Variants in MAPT observed in about 807,000 individuals in gnomAD.
The protein encoded by MAPT is microtubule-associated protein tau.
In MAPT, 34 loss-of-function variants were observed where a neutral mutation model predicts 67.9. That is an observed-to-expected ratio of 0.50 (90% CI 0.38 to 0.67). The LOEUF is 0.67. MAPT is among the 30% of genes least tolerant of loss of function. MAPT has a pLI of 0.00. For missense variants in MAPT, 881 were observed against 1,115.2 expected (o/e 0.79, Z 2.99); for synonymous variants, 456 against 464.5 (o/e 0.98, Z 0.23).
chr17:45,904,356 TTA>T (rs1175100124), intron 1 of MAPT, among the ~76,000 whole-genome samples: 1 of 90,082 alleles, frequency 1.1e-5, no homozygotes, highest in Non-Finnish European at 2.2e-5. Flanking sequence ...ATTATATATA[TTA>T]TATATATTAA....
intron 1 of MAPT, among the ~76,000 whole-genome samples, chr17:45,905,301 C>G (rs1372874674): frequency 6.6e-6 from 1 of 152,184 alleles, no homozygotes; most frequent in Non-Finnish European, 1.5e-5. Context: ...GGGTTCAGTT[C>G]TTCCTTTAGT....
At chr17:46,019,121 A>G (rs373135790) in intron 12 of MAPT, among the ~76,000 whole-genome samples, 4 of 152,210 alleles carry the variant, frequency 2.6e-5, no homozygotes, top group East Asian at 1.9e-4. Flanking sequence ...ACAGTTCCAC[A>G]TGGCTGGGGA....
At chr17:45,960,233 C>G (rs1188866581) in intron 1 of MAPT, among the ~76,000 whole-genome samples, 1 of 152,248 alleles carries the variant, frequency 6.6e-6, no homozygotes, top group Non-Finnish European at 1.5e-5. Context: ...TCTTTTGCTT[C>G]AAGGCCATTT....
intron 2 of MAPT, 49 bp downstream of exon 2, chr17:45,962,519 G>T (rs781346051): frequency 3.7e-6 from 6 of 1,608,500 alleles, no homozygotes; most frequent in African/African-American, 1.3e-5. Context: ...CAAGCCAAGG[G>T]GTGGCGGGAA....
chr17:46,024,415 A>G lies in MAPT; in HGVS notation c.*244A>G. ...GGTGGGCTAGTAATAAAATATTTAA[A>G]AAAAAACATTCAAAAACATGGCCAC... On this transcript the variant is annotated 3_prime_UTR_variant, in exon 13 of 13. Coordinates refer to ENST00000262410, the MANE Select transcript of MAPT (RefSeq NM_001377265.1). 1 of 583,722 alleles carries G rather than the reference A, an allele frequency of 1.7e-6. No individual in the cohort carries two copies. Among genetic ancestry groups the G allele is most frequent in the Admixed American group, 3.0e-5 (1 of 33,538 alleles). The allele number at this position is 583,722 out of a possible 1,614,324, so 36.2% of individuals were successfully genotyped here. A position where few individuals can be genotyped will look rare whatever the true frequency, so the allele number is the denominator to read the frequency against.
At chr17:45,985,133 G>C (rs770638356) in intron 5 of MAPT, among the ~76,000 whole-genome samples, 6 of 152,034 alleles carry the variant, frequency 3.9e-5, no homozygotes, top group Non-Finnish European at 8.8e-5. Flanking sequence ...GTGAGACCCT[G>C]TCTCTACTAA....
rs552466140 is a variant in MAPT at position 45,925,746 on chromosome 17, T to C, written c.-18+31060T>C. Among the ~76,000 whole-genome samples the C allele has an allele frequency of 2.0e-5, 3 of 150,712 alleles. No individual in the cohort carries two copies. The East Asian group carries it at 5.8e-4, about 29-fold the overall frequency. On this transcript the variant is annotated intron_variant, in intron 1 of 12. Transcript: ENST00000262410. ...TGTATATTTAGCATAATCTTAACTA[T>C]GTTTTAGAATGCACAGGAAAAAAAT...
chr17:46,010,691 C>A lies in MAPT; in HGVS notation c.2091+289C>A, dbSNP rs1046423115. On this transcript the variant is annotated intron_variant, in intron 10 of 12. Coordinates refer to ENST00000262410, the MANE Select transcript of MAPT (RefSeq NM_001377265.1). The surrounding 1 kb of genome is among the most constrained non-coding windows in gnomAD (Gnocchi z 4.7). ...ATAGGGCAGATGACGGACCCTCTCT[C>A]CGGACCCTGCCTGGGAAGCTGAGAA... Among the ~76,000 whole-genome samples, 3 of 152,202 alleles carry A rather than the reference C, an allele frequency of 2.0e-5. No individual in the cohort carries two copies. The highest frequency in any genetic ancestry group is 7.2e-5 in the African/African-American group (3 of 41,448).
chr17:45,966,109 C>G (rs1269899061), intron 2 of MAPT, among the ~76,000 whole-genome samples: 1 of 152,198 alleles, frequency 6.6e-6, no homozygotes. Context: ...AAATGACATT[C>G]TATTTAGAGG....
At chr17:45,904,006 ATATATAT>A (rs1360715272) in intron 1 of MAPT, among the ~76,000 whole-genome samples, 2 of 6,398 alleles carry the variant, frequency 3.1e-4, no homozygotes, top group African/African-American at 1.1e-3. Context: ...ATTATATATT[ATATATAT>A]TATATATTAT....
At chr17:45,999,732 C>A in intron 9 of MAPT, 1 of 1,340,950 alleles carries the variant, frequency 7.5e-7, no homozygotes, top group South Asian at 1.5e-5. Context: ...ACGTCCAAAT[C>A]TACTAAAGGG....
chr17:46,014,183 T>G, intron 10 of MAPT, 60 bp from the exon 11 acceptor site: 1 of 954,332 alleles, frequency 1.0e-6, no homozygotes, highest in Non-Finnish European at 1.7e-6. Context: ...ATCCTTTTTG[T>G]CTCTCTGTCT....
intron 9 of MAPT, among the ~76,000 whole-genome samples, chr17:46,004,288 A>C (rs2075255015): frequency 6.6e-6 from 1 of 152,220 alleles, no homozygotes; most frequent in Admixed American, 6.5e-5. Flanking sequence ...AACCCAAACA[A>C]AACCAGATCA....
intron 2 of MAPT, among the ~76,000 whole-genome samples, chr17:45,970,970 T>C (rs62063299): frequency 0.14 from 22,011 of 152,250 alleles, 2,144 homozygotes; most frequent in Non-Finnish European, 0.22. Flanking sequence ...CTGTATACAT[T>C]GGGCTCTCAA....
chr17:45,940,549 T>A (rs116402043), intron 1 of MAPT, among the ~76,000 whole-genome samples: 142 of 152,304 alleles, frequency 9.3e-4, no homozygotes, highest in African/African-American at 3.3e-3. Context: ...ATTCTGATAC[T>A]CGAGTCTGTG....
chr17:45,941,705 G>GCCTGCCTT lies in MAPT; in HGVS notation c.-17-20613_-17-20612insGCCTTCCT, dbSNP rs1390391054. On this transcript the variant is annotated intron_variant, in intron 1 of 12. Coordinates refer to ENST00000262410, the MANE Select transcript of MAPT (RefSeq NM_001377265.1). The stretch of plus-strand genomic sequence containing the variant: ...CTCCTTCCTTCCTTCCTTCCTGCCT[G>GCCTGCCTT]CCTTCCTTCCTTCCTTCCTTCCTTC... Among the ~76,000 whole-genome samples, 4 of 25,574 alleles carry GCCTGCCTT rather than the reference G, an allele frequency of 1.6e-4. 1 individual carries two copies. The highest frequency in any genetic ancestry group is 3.3e-4 in the African/African-American group (3 of 9,076). The allele number at this position is 25,574 out of a possible 152,430, so 16.8% of individuals were successfully genotyped here. A position where few individuals can be genotyped will look rare whatever the true frequency, so the allele number is the denominator to read the frequency against.
chr17:45,934,447 G>A (rs2067137314), intron 1 of MAPT, among the ~76,000 whole-genome samples: 1 of 151,906 alleles, frequency 6.6e-6, no homozygotes, highest in Non-Finnish European at 1.5e-5. Context: ...TTTTTCCAGA[G>A]AGTTGTTTAT....
At chr17:45,998,854 A>G (rs1353642095) in intron 9 of MAPT, among the ~76,000 whole-genome samples, 1 of 151,538 alleles carries the variant, frequency 6.6e-6, no homozygotes, top group Non-Finnish European at 1.5e-5. Flanking sequence ...TTCATTCTCC[A>G]GGGTGCCTGG....
rs909371139 is a variant in MAPT at position 45,995,832 on chromosome 17, C to G, written c.1733-567C>G. Among the ~76,000 whole-genome samples the G allele has an allele frequency of 6.6e-6, 1 of 152,176 alleles. No individual in the cohort carries two copies. The highest frequency in any genetic ancestry group is 2.4e-5 in the African/African-American group (1 of 41,438). ...TGGCAGGAGCCCTGAACTAGCCGAA[C>G]AGCTGAACAGCTGAACATTCACCCT... On this transcript the variant is annotated intron_variant, in intron 8 of 12. Transcript: ENST00000262410. This position sits in a 1 kb window ranked among gnomAD's most constrained non-coding sequence, Gnocchi z 4.3.
Sources: allele counts gnomAD v4.1 joint callset (sites outside exome capture counted in the v4.1 genomes callset), GRCh38; gene constraint gnomAD v4.1.1; non-coding constraint Gnocchi (gnomAD v3.1); transcripts MANE v1.5; gene names NCBI Gene and HGNC (gene_info 2026-07-23, HGNC 2026-07-21).